XKR9: variants seen among roughly 807,000 people sequenced by gnomAD.
XKR9 encodes XK-related protein 9.
A neutral mutation model predicts 32.0 loss-of-function variants in XKR9; 32 were observed. The observed-to-expected ratio is 1.00, with a 90% CI of 0.76 to 1.34. The LOEUF (loss-of-function observed/expected upper bound fraction) is 1.34, where lower values mean the gene tolerates loss of function less well. Ranked by LOEUF, XKR9 falls within the 40% of genes most tolerant of loss-of-function variation. The pLI is 0.00. For missense variants in XKR9, 546 were observed against 429.7 expected (o/e 1.27, Z -2.39); for synonymous variants, 168 against 143.4 (o/e 1.17, Z -1.22).
chr8:70,993,203 C>G, the XKR9 span, among the ~76,000 whole-genome samples: 1,121 of 152,278 alleles, frequency 7.4e-3, 59 homozygotes, highest in East Asian at 0.11. Context: ...CCTTCTCCTA[C>G]CCTAGCACAG....
rs56223664 is a variant in XKR9 at position 70,685,490 on chromosome 8, T to TATAATAATAATAATAATAATA, written c.272+4162_272+4182dup. 8.1e-3 allele frequency among the ~76,000 whole-genome samples: 1,151 copies of TATAATAATAATAATAATAATA among 141,674 alleles called. 15 individuals are homozygous for TATAATAATAATAATAATAATA. The highest frequency in any genetic ancestry group is 0.029 in the African/African-American group (1,092 of 37,888). 92.9% of individuals were successfully genotyped at this position (141,674 alleles called of 152,430 possible). On this transcript the variant is annotated intron_variant, in intron 3 of 4. Coordinates refer to ENST00000408926, the MANE Select transcript of XKR9 (RefSeq NM_001011720.2). ...CACACATGTACCGTAAAACTTAAAG[T>TATAATAATAATAATAATAATA]ATAATAATAATAATAATAATAAAGA...
chr8:70,736,261 GTCT>G (rs1806859923), downstream of XKR9, among the ~76,000 whole-genome samples: 1 of 152,166 alleles, frequency 6.6e-6, no homozygotes, highest in African/African-American at 2.4e-5. Context: ...ATAAATAAAT[GTCT>G]TCTTTTGAGA....
chr8:70,948,692 C>T, the XKR9 span, among the ~76,000 whole-genome samples: 1 of 152,168 alleles, frequency 6.6e-6, no homozygotes, highest in Admixed American at 6.5e-5. Context: ...TGCCTGCACA[C>T]AAGCATTATT....
chr8:71,027,612 G>T, the XKR9 span, among the ~76,000 whole-genome samples: 1 of 151,948 alleles, frequency 6.6e-6, no homozygotes, highest in African/African-American at 2.4e-5. Flanking sequence ...TGCTAGAGGT[G>T]GGAAGAACCA....
chr8:70,847,104 CT>C, the XKR9 span, among the ~76,000 whole-genome samples: 1 of 151,830 alleles, frequency 6.6e-6, no homozygotes, highest in Non-Finnish European at 1.5e-5. Flanking sequence ...CAAAAGAAGT[CT>C]CAAAAATTTT....
At chr8:71,002,500 T>C in the XKR9 span, among the ~76,000 whole-genome samples, 47,600 of 150,816 alleles carry the variant, frequency 0.32, 8,869 homozygotes, top group Non-Finnish European at 0.43. Context: ...TTTAAGTAAA[T>C]TTAATTTATA....
the XKR9 span, among the ~76,000 whole-genome samples, chr8:71,047,294 A>T: frequency 6.6e-6 from 1 of 152,216 alleles, no homozygotes; most frequent in African/African-American, 2.4e-5. Context: ...TTTACTTTCT[A>T]ATTAAATTAT....
chr8:70,829,883 C>A, the XKR9 span, among the ~76,000 whole-genome samples: 1 of 152,066 alleles, frequency 6.6e-6, no homozygotes, highest in Non-Finnish European at 1.5e-5. Context: ...TGATACCACA[C>A]TAGGGCTTTA....
chr8:70,990,767 G>A, the XKR9 span, among the ~76,000 whole-genome samples: 6 of 147,960 alleles, frequency 4.1e-5, no homozygotes, highest in Non-Finnish European at 6.0e-5. Flanking sequence ...GAGAGAGAGA[G>A]AAAGAGAGAG....
chr8:70,925,234 C>T, the XKR9 span, among the ~76,000 whole-genome samples: 2 of 152,128 alleles, frequency 1.3e-5, no homozygotes, highest in Non-Finnish European at 2.9e-5. Context: ...ATATGCTCCT[C>T]CAAAATACAC....
chr8:70,871,775 T>A, the XKR9 span, among the ~76,000 whole-genome samples: 8 of 152,172 alleles, frequency 5.3e-5, no homozygotes, highest in Admixed American at 5.2e-4. Context: ...TCATTTTAAA[T>A]CAAAAGCTGG....
At chr8:70,717,217 A>G (rs184206753) in intron 4 of XKR9, among the ~76,000 whole-genome samples, 2 of 152,182 alleles carry the variant, frequency 1.3e-5, no homozygotes, top group Non-Finnish European at 2.9e-5. Flanking sequence ...TGGAGATGCC[A>G]TTCTGAGGTC....
intron 2 of XKR9, among the ~76,000 whole-genome samples, chr8:70,756,699 A>G (rs1460767179): frequency 6.6e-6 from 1 of 152,160 alleles, no homozygotes; most frequent in Non-Finnish European, 1.5e-5. Context: ...TGATTTTTGT[A>G]TATTAATCTT....
chr8:70,740,738 C>T (rs189221466), downstream of XKR9, among the ~76,000 whole-genome samples: 15 of 152,322 alleles, frequency 9.8e-5, no homozygotes, highest in East Asian at 2.9e-3. Context: ...CCACTCCAGA[C>T]CCTGTTTGCC....
the XKR9 span, among the ~76,000 whole-genome samples, chr8:71,007,334 A>G: frequency 6.6e-6 from 1 of 152,192 alleles, no homozygotes; most frequent in Non-Finnish European, 1.5e-5. Flanking sequence ...TATGAGGATC[A>G]CGAAGGACTG....
At chr8:70,670,341 A>G (rs112538441) in intron 1 of XKR9, among the ~76,000 whole-genome samples, 7 of 152,292 alleles carry the variant, frequency 4.6e-5, no homozygotes, top group African/African-American at 1.7e-4. Context: ...CTTATCAGCC[A>G]AGTATTAACT....
intron 2 of XKR9, among the ~76,000 whole-genome samples, chr8:70,778,250 T>G (rs1331147322): frequency 1.3e-5 from 2 of 152,174 alleles, no homozygotes; most frequent in Non-Finnish European, 2.9e-5. Context: ...AAAGATCAGA[T>G]GGTTGTAGAT....
intron 2 of XKR9, among the ~76,000 whole-genome samples, chr8:70,753,526 G>A (rs1807172878): frequency 6.6e-6 from 1 of 152,168 alleles, no homozygotes; most frequent in Admixed American, 6.5e-5. Context: ...ATAAAATACT[G>A]GCAAACCGAA....
chr8:70,821,438 G>A, the XKR9 span, among the ~76,000 whole-genome samples: 9 of 152,192 alleles, frequency 5.9e-5, no homozygotes, highest in African/African-American at 2.2e-4. Flanking sequence ...GGAGGATGGT[G>A]ACTCTCTTCT....
Sources: gnomAD v4.1 joint callset for allele counts (sites outside exome capture counted in the v4.1 genomes callset) on GRCh38, gnomAD v4.1.1 for gene constraint, MANE v1.5 for transcripts, NCBI Gene and HGNC (gene_info 2026-07-23, HGNC 2026-07-21) for gene names.